MYBL2: variants seen among roughly 807,000 people sequenced by gnomAD.
The protein encoded by MYBL2 is myb-related protein B.
MYBL2 carries 28 observed loss-of-function variants against 79.9 expected under a neutral mutation model. The observed-to-expected ratio is 0.35, with a 90% CI of 0.26 to 0.48. MYBL2 has a LOEUF of 0.48. Ranked by LOEUF, MYBL2 falls within the 20% of genes least tolerant of loss-of-function variation. MYBL2 has a pLI of 0.99. For synonymous variants in MYBL2, 378 were observed against 361.2 expected, an observed-to-expected ratio of 1.05 and a Z score of -0.53; for missense variants, 735 against 893.9, an observed-to-expected ratio of 0.82 and a Z score of 2.27.
At chr20:43,676,183 T>C (rs556605235) in intron 2 of MYBL2, among the ~76,000 whole-genome samples, 3 of 152,264 alleles carry the variant, frequency 2.0e-5, no homozygotes, top group Admixed American at 1.3e-4. Flanking sequence ...CCTCCTGAAG[T>C]GCTGGGATTA....
At position 43,686,916 on chromosome 20, in the gene MYBL2, G is replaced by C; in HGVS notation, c.344G>C (p.Gly115Ala). 1 of 1,614,212 alleles carries C rather than the reference G, an allele frequency of 6.2e-7. No individual in the cohort carries two copies. The highest frequency in any genetic ancestry group is 8.5e-7 in the Non-Finnish European group (1 of 1,180,034). ...ACACTGATTGCCAAGCACCTGAAGGGCCGGCTGGGGAAGCAGTGCCGTGAA... is the reference window on the plus strand; with the variant it reads ...ACACTGATTGCCAAGCACCTGAAGGCCCGGCTGGGGAAGCAGTGCCGTGAA... ...QWTLIAKHLK[G>A]RLGKQCRERW... The change falls in exon 5 of 14, where the codon GGC becomes GCC. Residue 115 changes from glycine to alanine, a missense_variant. By Grantham distance (60) the Gly-to-Ala change is moderately conservative. This residue lies in a region of MYBL2 where 65 missense variants were observed against 145.2 expected (regional missense o/e 0.45). Transcript: ENST00000217026.
At chr20:43,710,794 A>T (rs1407895269) in intron 10 of MYBL2, among the ~76,000 whole-genome samples, 5 of 152,198 alleles carry the variant, frequency 3.3e-5, no homozygotes, top group Admixed American at 6.5e-5. Context: ...TCCACGGACC[A>T]TGCTACATGA....
intron 7 of MYBL2, among the ~76,000 whole-genome samples, chr20:43,701,339 T>A (rs898897851): frequency 6.6e-6 from 1 of 152,190 alleles, no homozygotes; most frequent in African/African-American, 2.4e-5. Context: ...GGTGTGGGCC[T>A]GAGGTCGGTC....
chr20:43,686,037 C>CA (rs1214127000), intron 4 of MYBL2, among the ~76,000 whole-genome samples: 3 of 145,706 alleles, frequency 2.1e-5, no homozygotes, highest in East Asian at 4.0e-4. Context: ...AACTTCGTCT[C>CA]AAAAAAAATA....
chr20:43,711,672 GAC>G, intron 11 of MYBL2, 71 bp downstream of exon 11: 1 of 1,411,330 alleles, frequency 7.1e-7, no homozygotes. Flanking sequence ...GGCGTCTGGG[GAC>G]AGGTTGTAGA....
rs1986736313 is a variant in MYBL2, at chr20:43,667,242, T to G, written c.-42T>G. 8.3e-7 allele frequency: 1 copy of G among 1,207,786 alleles called. No individual in the cohort carries two copies. Among genetic ancestry groups the G allele is most frequent in the Non-Finnish European group, 1.0e-6 (1 of 972,282 alleles). 74.8% of individuals were successfully genotyped at this position (1,207,786 alleles called of 1,614,324 possible). On this transcript the variant is annotated 5_prime_UTR_variant, in exon 1 of 14. Transcript: ENST00000217026. Reference sequence around the variant, plus strand: ...CCGGCCCGGCTCCCGCTCCGGGCTCTGCCGGCGGGCGGGCGAGCGCGGCGC... The same window carrying G: ...CCGGCCCGGCTCCCGCTCCGGGCTCGGCCGGCGGGCGGGCGAGCGCGGCGC...
intron 8 of MYBL2, among the ~76,000 whole-genome samples, chr20:43,703,485 C>T (rs1987716760): frequency 6.6e-6 from 1 of 152,138 alleles, no homozygotes; most frequent in African/African-American, 2.4e-5. Context: ...GCCAGGGTCT[C>T]TCTGAGATAG....
At chr20:43,710,221 G>A (rs531818620) in intron 10 of MYBL2, among the ~76,000 whole-genome samples, 159 bp downstream of exon 10, 2 of 152,314 alleles carry the variant, frequency 1.3e-5, no homozygotes, top group South Asian at 2.1e-4. Context: ...GGAAGCTGAG[G>A]CTGCTCTTTG....
At position 43,702,842 on chromosome 20, in the gene MYBL2, C is replaced by G; in HGVS notation, c.1304C>G (p.Ser435Cys). 1.2e-6 allele frequency: 2 copies of G among 1,612,838 alleles called. No homozygotes were observed. The highest frequency in any genetic ancestry group is 1.7e-6 in the Non-Finnish European group (2 of 1,178,902). The stretch of plus-strand genomic sequence containing the variant: ...AGCACCAGTCTGTCCTTCCTGGATT[C>G]CTGTAACAGCCTCACGCCCAAGAGC... ...ENSTSLSFLDSCNSLTPKSTP... is the reference protein window; with the variant it reads ...ENSTSLSFLDCCNSLTPKSTP... Residue 435 changes from serine (S) to cysteine (C), a missense_variant, in exon 8 of 14, where the codon TCC becomes TGC. Physicochemically the swap from Ser to Cys is moderately radical, Grantham distance 112. Transcript: ENST00000217026.
chr20:43,690,202 T>TG (rs1491130425), intron 5 of MYBL2, among the ~76,000 whole-genome samples: 1 of 151,714 alleles, frequency 6.6e-6, no homozygotes, highest in Admixed American at 6.6e-5. Context: ...GTTTTTTTTT[T>TG]TTTGTTTGTT....
chr20:43,707,137 C>T (rs1330286566), intron 9 of MYBL2, among the ~76,000 whole-genome samples: 1 of 150,242 alleles, frequency 6.7e-6, no homozygotes, highest in East Asian at 2.0e-4. Context: ...CTATGATTGG[C>T]TACTGCACTC....
chr20:43,685,230 G>C (rs1428073063), intron 4 of MYBL2, among the ~76,000 whole-genome samples: 1 of 151,786 alleles, frequency 6.6e-6, no homozygotes, highest in Non-Finnish European at 1.5e-5. Flanking sequence ...GCCCAGGCTG[G>C]AGTGCAGTGG....
At chr20:43,688,710 TG>T (rs1178302735) in intron 5 of MYBL2, among the ~76,000 whole-genome samples, 9 of 152,328 alleles carry the variant, frequency 5.9e-5, no homozygotes, top group African/African-American at 2.2e-4. Context: ...CCCAAAGTGC[TG>T]GGATTACAGG....
chr20:43,682,673 A>G, intron 3 of MYBL2, 121 bp from the exon 4 acceptor site: 1 of 842,750 alleles, frequency 1.2e-6, no homozygotes, highest in Non-Finnish European at 2.0e-6. Context: ...AACAGGACAC[A>G]CCTACCCAAG....
At chr20:43,694,442 T>C (rs1000320109) in intron 6 of MYBL2, among the ~76,000 whole-genome samples, 6 of 152,222 alleles carry the variant, frequency 3.9e-5, no homozygotes, top group African/African-American at 1.4e-4. Context: ...TTGTCCTTTG[T>C]TATTTTCTAA....
At chr20:43,688,749 C>G (rs1242481513) in intron 5 of MYBL2, among the ~76,000 whole-genome samples, 2 of 150,324 alleles carry the variant, frequency 1.3e-5, no homozygotes, top group Non-Finnish European at 3.0e-5. Flanking sequence ...GGCCTGGCAC[C>G]CTATTCTTAT....
At chr20:43,681,763 C>T in intron 2 of MYBL2, 21 bp from the exon 3 acceptor site, 1 of 1,614,020 alleles carries the variant, frequency 6.2e-7, no homozygotes, top group African/African-American at 1.3e-5. Context: ...TGCTGAGCCC[C>T]TGTCTTTCTG....
Position 43,709,522 on chromosome 20 carries a change from C to T in MYBL2, c.1506-441C>T, listed in dbSNP as rs762185243. 1.1e-3 allele frequency among the ~76,000 whole-genome samples: 167 copies of T among 152,300 alleles called. 1 individual carries two copies. The highest frequency in any genetic ancestry group is 8.1e-4 in the Non-Finnish European group (55 of 68,014). ...ATCACCTCGGTGAACTCTTGGGAGA[C>T]CTGGGAAGATGCTGGCCTCACCTCT... On this transcript the variant is annotated intron_variant, in intron 9 of 13. Transcript: ENST00000217026.
chr20:43,700,567 C>T (rs529999501), intron 7 of MYBL2, among the ~76,000 whole-genome samples: 1 of 152,112 alleles, frequency 6.6e-6, no homozygotes, highest in Admixed American at 6.6e-5. Flanking sequence ...GGTGTGACAC[C>T]CCGGCTCCTG....
Sources: allele counts gnomAD v4.1 joint callset (sites outside exome capture counted in the v4.1 genomes callset), GRCh38; gene constraint gnomAD v4.1.1; regional missense constraint gnomAD v4.1.1; transcripts MANE v1.5; gene names NCBI Gene and HGNC (gene_info 2026-07-23, HGNC 2026-07-21).